The following NCLN variants were observed in gnomAD, a reference collection of about 807,000 sequenced individuals.
NCLN encodes BOS complex subunit NCLN.
NCLN carries 34 observed loss-of-function variants against 69.5 expected under a neutral mutation model. The observed-to-expected ratio is 0.49, with a 90% CI of 0.37 to 0.65. NCLN has a LOEUF of 0.65. NCLN is among the 30% of genes least tolerant of loss of function. NCLN has a pLI of 0.00. For synonymous variants in NCLN, 393 were observed against 358.3 expected (o/e 1.10, Z -1.09); for missense variants, 710 against 804.8 (o/e 0.88, Z 1.42).
intron 3 of NCLN, among the ~76,000 whole-genome samples, chr19:3,195,349 G>A (rs367989030): frequency 2.6e-4 from 39 of 151,758 alleles, no homozygotes; most frequent in Middle Eastern, 3.4e-3. Context: ...TCCCGGGTTC[G>A]CGCCATTCTC....
Position 3,193,409 on chromosome 19 carries a change from C to T in NCLN, c.501C>T (p.Gly167=), listed in dbSNP as rs199745140. ...KQTQAASASQ[G]SASAAEVLLR... ...CCCAGGCTGCCTCCGCCTCCCAGGGCTCCGCCTCTGCTGCTGAAGGTGTGC... is the reference window on the plus strand; with the variant it reads ...CCCAGGCTGCCTCCGCCTCCCAGGGTTCCGCCTCTGCTGCTGAAGGTGTGC... Residue 167 remains glycine, a synonymous_variant, in exon 3 of 15, where the codon GGC becomes GGT. Transcript: ENST00000246117. 50 of 1,607,046 alleles carry T rather than the reference C, an allele frequency of 3.1e-5. No individual in the cohort carries two copies. The East Asian group carries it at 1.1e-3, about 35-fold the overall frequency.
intron 3 of NCLN, among the ~76,000 whole-genome samples, chr19:3,195,555 A>G (rs541310096): frequency 6.6e-6 from 1 of 152,228 alleles, no homozygotes; most frequent in South Asian, 2.1e-4. Flanking sequence ...GGCCGATCAT[A>G]TCTTACATAC....
Position 3,186,044 on chromosome 19 carries a change from C to T in NCLN, c.14C>T (p.Ala5Val), listed in dbSNP as rs753980021. 3.8e-6 allele frequency: 6 copies of T among 1,576,370 alleles called. No individual in the cohort carries two copies. In the South Asian group the frequency reaches 4.6e-5, roughly 12 times the overall value. Residue 5 changes from alanine to valine, a missense_variant, in exon 1 of 15, where the codon GCG becomes GTG. Physicochemically the swap from Ala to Val is moderately conservative, Grantham distance 64. Coordinates refer to ENST00000246117, the MANE Select transcript of NCLN (RefSeq NM_020170.4). MLEE[A>V]GEVLENMLKA... The stretch of plus-strand genomic sequence containing the variant: ...CCGCCGGCCAGGATGCTGGAGGAAG[C>T]GGGCGAGGTGCTGGAGAACATGCTG...
Position 3,203,789 on chromosome 19 carries a change from C to T in NCLN, c.834C>T (p.Gly278=). 1 of 1,613,414 alleles carries T rather than the reference C, an allele frequency of 6.2e-7. No individual in the cohort carries two copies. The highest frequency in any genetic ancestry group is 8.5e-7 in the Non-Finnish European group (1 of 1,179,886). Residue 278 remains glycine, a synonymous_variant, in exon 7 of 15, where the codon GGC becomes GGT. Transcript: ENST00000246117. ...TCCTGTTCTTTGCGTCTGGAGGAGG[C>T]AAGTTTAACTACCAGGGAACCAAGC... ...YNLLFFASGG[G]KFNYQGTKRW... is the part of the protein sequence containing the mutation.
intron 4 of NCLN, 54 bp from the exon 5 acceptor site, chr19:3,198,763 A>G (rs1043055152): frequency 6.8e-7 from 1 of 1,473,388 alleles, no homozygotes; most frequent in Non-Finnish European, 9.2e-7. Flanking sequence ...AGCCCCACAC[A>G]CGGGTCACCT....
chr19:3,193,321 A>G lies in NCLN; in HGVS notation c.413A>G (p.Glu138Gly). 1 of 1,613,008 alleles carries G rather than the reference A, an allele frequency of 6.2e-7. No homozygotes were observed. The highest frequency in any genetic ancestry group is 2.2e-5 in the East Asian group (1 of 44,880). Residue 138 changes from glutamate (E) to glycine (G), a missense_variant, in exon 3 of 15, where the codon GAG becomes GGG. By Grantham distance (98) the Glu-to-Gly change is moderately conservative. Coordinates refer to ENST00000246117, the MANE Select transcript of NCLN (RefSeq NM_020170.4). The part of the protein sequence containing the change: ...MEIEPEMLAM[E>G]TAVPVYFAVE... ...ATCGAGCCGGAGATGCTGGCCATGG[A>G]GACCGCCGTCCCCGTGTACTTTGCC...
chr19:3,198,776 C>T lies in NCLN; in HGVS notation c.616-41C>T, dbSNP rs371194943. The T allele has an allele frequency of 7.8e-6, 12 of 1,534,292 alleles. No individual in the cohort carries two copies. In the African/African-American group the frequency reaches 1.4e-4, roughly 18 times the overall value. On this transcript the variant is annotated intron_variant, in intron 4 of 14. Transcript: ENST00000246117. ...CAAGCCCCACACACGGGTCACCTGCCCCAGGAACAGCCAGGCCATTCCCCT... is the reference window on the plus strand; with the variant it reads ...CAAGCCCCACACACGGGTCACCTGCTCCAGGAACAGCCAGGCCATTCCCCT...
At chr19:3,202,870 T>G (rs748720298) in intron 6 of NCLN, among the ~76,000 whole-genome samples, 1 of 152,114 alleles carries the variant, frequency 6.6e-6, no homozygotes, top group Non-Finnish European at 1.5e-5. Flanking sequence ...TGGGGGCTTC[T>G]TGGCAGCTGG....
chr19:3,208,050 G>A lies in NCLN; in HGVS notation c.*362G>A, dbSNP rs1008671774. The A allele has an allele frequency of 1.9e-5, 5 of 259,068 alleles. No homozygotes were observed. Among genetic ancestry groups the A allele is most frequent in the African/African-American group, 6.7e-5 (3 of 44,660 alleles). 16.0% of individuals were successfully genotyped at this position (259,068 alleles called of 1,614,324 possible). The stretch of plus-strand genomic sequence containing the variant: ...GCCGGGACCCCCTGCCCGATCGCGC[G>A]CGGCCTCCGCCCACCGCCTCCTGCC... On this transcript the variant is annotated 3_prime_UTR_variant, in exon 15 of 15. Transcript: ENST00000246117.
Position 3,205,701 on chromosome 19 carries a change from G to T in NCLN, c.1209-238G>T. The T allele has an allele frequency of 1.9e-6, 1 of 533,136 alleles. No individual in the cohort carries two copies. Among genetic ancestry groups the T allele is most frequent in the Non-Finnish European group, 3.3e-6 (1 of 300,722 alleles). 33.0% of individuals were successfully genotyped at this position (533,136 alleles called of 1,614,324 possible). ...GAGTCAGAAGGAACCAAGGCCTCAG[G>T]GCGTGAGCCTTACCTGCGCACAGGG... On this transcript the variant is annotated intron_variant, in intron 9 of 14. Coordinates refer to ENST00000246117, the MANE Select transcript of NCLN (RefSeq NM_020170.4). This position sits in a 1 kb window ranked among gnomAD's most constrained non-coding sequence, Gnocchi z 4.6.
chr19:3,207,498 AG>A, intron 14 of NCLN, 29 bp downstream of exon 14: 1 of 1,611,222 alleles, frequency 6.2e-7, no homozygotes. Flanking sequence ...CAGGTGGGGC[AG>A]GGGCCGCCCG....
chr19:3,197,037 C>G (rs1915979879), intron 4 of NCLN, among the ~76,000 whole-genome samples: 1 of 152,356 alleles, frequency 6.6e-6, no homozygotes, highest in South Asian at 2.1e-4. Flanking sequence ...GTCCTGGAGG[C>G]CCCGGCTCCC....
At chr19:3,204,914 G>A (rs959898468) in intron 9 of NCLN, among the ~76,000 whole-genome samples, 163 bp downstream of exon 9, 4 of 152,216 alleles carry the variant, frequency 2.6e-5, no homozygotes, top group Non-Finnish European at 4.4e-5. Flanking sequence ...CGGTCAGGCC[G>A]TTCGCAAGCT....
intron 1 of NCLN, among the ~76,000 whole-genome samples, chr19:3,188,529 T>C (rs1915729155): frequency 6.6e-6 from 1 of 152,010 alleles, no homozygotes; most frequent in African/African-American, 2.4e-5. Flanking sequence ...CCCTTTTTGG[T>C]GGCGCCTCCC....
At chr19:3,195,668 G>A (rs1915936895) in intron 3 of NCLN, among the ~76,000 whole-genome samples, 1 of 151,998 alleles carries the variant, frequency 6.6e-6, no homozygotes, top group Non-Finnish European at 1.5e-5. Context: ...CTCATTGCCT[G>A]TAATCTTAGC....
chr19:3,204,259 C>T, intron 8 of NCLN, 115 bp downstream of exon 8: 1 of 1,267,366 alleles, frequency 7.9e-7, no homozygotes, highest in South Asian at 1.6e-5. Context: ...GCTCTGAGGG[C>T]CACACTGTGT....
In NCLN at chr19:3,199,008, C is replaced by T. The variant is rs950294695; in HGVS notation, c.696+111C>T. The T allele has an allele frequency of 3.5e-5, 25 of 706,806 alleles. No homozygotes were observed. The African/African-American group carries it at 4.6e-4, about 13-fold the overall frequency. The allele number at this position is 706,806 out of a possible 1,614,324, so 43.8% of individuals were successfully genotyped here. A position where few individuals can be genotyped will look rare whatever the true frequency, so the allele number is the denominator to read the frequency against. The stretch of plus-strand genomic sequence containing the variant: ...GATGGCGGCCAGGGTCAGCGGCTCT[C>T]CCTGTGACGGCCTTTGCCCGTCATC... On this transcript the variant is annotated intron_variant, in intron 5 of 14. Coordinates refer to ENST00000246117, the MANE Select transcript of NCLN (RefSeq NM_020170.4).
chr19:3,205,839 C>A lies in NCLN; in HGVS notation c.1209-100C>A. 1.0e-6 allele frequency: 1 copy of A among 1,001,282 alleles called. No homozygotes were observed. The highest frequency in any genetic ancestry group is 1.5e-6 in the Non-Finnish European group (1 of 653,424). The allele number at this position is 1,001,282 out of a possible 1,614,324, so 62.0% of individuals were successfully genotyped here. A position where few individuals can be genotyped will look rare whatever the true frequency, so the allele number is the denominator to read the frequency against. ...TTTTTTTTTTTTTTAAAGACAGAGT[C>A]TCACGGTCTCCTAGGCTGGAGTGCT... On this transcript the variant is annotated intron_variant, in intron 9 of 14. Transcript: ENST00000246117. This position sits in a 1 kb window ranked among gnomAD's most constrained non-coding sequence, Gnocchi z 4.6.
intron 1 of NCLN, among the ~76,000 whole-genome samples, chr19:3,191,769 A>G (rs1412099850): frequency 6.6e-6 from 1 of 152,222 alleles, no homozygotes; most frequent in African/African-American, 2.4e-5. Context: ...GTTGAGACAC[A>G]GACCGGAAAT....
Sources: gnomAD v4.1 joint callset for allele counts (sites outside exome capture counted in the v4.1 genomes callset) on GRCh38, gnomAD v4.1.1 for gene constraint, Gnocchi (gnomAD v3.1) non-coding constraint, MANE v1.5 for transcripts, NCBI Gene and HGNC (gene_info 2026-07-23, HGNC 2026-07-21) for gene names.